The following ACCSL variants were observed in gnomAD, a reference collection of about 807,000 sequenced individuals.
The protein encoded by ACCSL is probable inactive 1-aminocyclopropane-1-carboxylate synthase-like protein 2.
ACCSL carries 55 observed loss-of-function variants against 61.7 expected under a neutral mutation model. That is an observed-to-expected ratio of 0.89 (90% CI 0.72 to 1.12). ACCSL has a LOEUF of 1.12. Among genes scored for constraint, ACCSL ranks in the 50% most tolerant of loss-of-function variants. The pLI, the probability that ACCSL is intolerant of heterozygous loss-of-function variation, is 0.00. For synonymous variants in ACCSL, 258 were observed against 264.3 expected, an observed-to-expected ratio of 0.98 and a Z score of 0.23; for missense variants, 632 against 698.0, an observed-to-expected ratio of 0.91 and a Z score of 1.07.
the ACCSL span, among the ~76,000 whole-genome samples, chr11:43,997,336 G>A: frequency 2.0e-5 from 3 of 152,112 alleles, no homozygotes; most frequent in African/African-American, 7.2e-5. Context: ...TGGGCTGTCG[G>A]TTCCAGAGAG....
chr11:44,049,419 CAA>C (rs33944147), intron 1 of ACCSL, among the ~76,000 whole-genome samples: 37 of 33,948 alleles, frequency 1.1e-3, no homozygotes, highest in African/African-American at 3.4e-3. Flanking sequence ...GACCCTGTCT[CAA>C]AAAAAAAAAA....
At chr11:43,931,686 G>A in the ACCSL span, among the ~76,000 whole-genome samples, 1 of 152,214 alleles carries the variant, frequency 6.6e-6, no homozygotes, top group South Asian at 2.1e-4. Flanking sequence ...TAGGCACAAA[G>A]TGCTTTTTGT....
the ACCSL span, among the ~76,000 whole-genome samples, chr11:44,037,639 T>C: frequency 6.6e-6 from 1 of 152,220 alleles, no homozygotes; most frequent in Non-Finnish European, 1.5e-5. Context: ...AGGTGAAGTT[T>C]TTCCACTGGG....
intron 5 of ACCSL, among the ~76,000 whole-genome samples, 172 bp from the exon 6 acceptor site, chr11:44,052,490 A>G (rs959027114): frequency 2.6e-5 from 4 of 152,254 alleles, no homozygotes; most frequent in African/African-American, 7.2e-5. Context: ...AGTGATGTCT[A>G]TAATAATGGA....
the ACCSL span, among the ~76,000 whole-genome samples, chr11:43,953,915 C>T: frequency 3.9e-5 from 6 of 152,282 alleles, no homozygotes; most frequent in African/African-American, 1.4e-4. Context: ...ACTATGGACT[C>T]GCCCCAAATT....
chr11:43,942,655 CGG>C, the ACCSL span: 1 of 246,634 alleles, frequency 4.1e-6, no homozygotes. Context: ...ACAGCAGCGG[CGG>C]CGAGCGCCTC....
chr11:43,972,470 G>T, the ACCSL span, among the ~76,000 whole-genome samples: 1,229 of 152,310 alleles, frequency 8.1e-3, 13 homozygotes, highest in African/African-American at 0.028. Context: ...TGTGATTGAG[G>T]TGTTGTTGGT....
chr11:43,944,105 G>T, the ACCSL span: 35 of 340,204 alleles, frequency 1.0e-4, no homozygotes, highest in Admixed American at 2.2e-4. Flanking sequence ...CTGCGTCCCT[G>T]GTCTATTCCC....
the ACCSL span, among the ~76,000 whole-genome samples, chr11:44,029,444 C>T: frequency 4.6e-5 from 7 of 152,318 alleles, no homozygotes; most frequent in South Asian, 6.2e-4. Context: ...CTCTGTATAC[C>T]GTTGGATACC....
chr11:44,059,269 GA>G (rs1952692066), intron 13 of ACCSL, among the ~76,000 whole-genome samples: 1 of 152,002 alleles, frequency 6.6e-6, no homozygotes, highest in Non-Finnish European at 1.5e-5. Flanking sequence ...AACAAAACCC[GA>G]AAAAAGTAGT....
At chr11:44,023,044 T>C in the ACCSL span, among the ~76,000 whole-genome samples, 7 of 117,062 alleles carry the variant, frequency 6.0e-5, no homozygotes, top group South Asian at 5.5e-4. Flanking sequence ...TCTTCTTCTT[T>C]TTTTTTTTTT....
chr11:43,970,698 C>T, the ACCSL span, among the ~76,000 whole-genome samples: 1 of 152,120 alleles, frequency 6.6e-6, no homozygotes, highest in South Asian at 2.1e-4. Flanking sequence ...TTCCTCCTCC[C>T]CATTTATTTA....
At chr11:43,944,238 C>G in the ACCSL span, 1 of 172,820 alleles carries the variant, frequency 5.8e-6, no homozygotes, top group Non-Finnish European at 1.3e-5. Context: ...CGCCCCGCAC[C>G]CGCCACAGAA....
chr11:43,993,946 A>G, the ACCSL span, among the ~76,000 whole-genome samples: 42,735 of 152,076 alleles, frequency 0.28, 6,575 homozygotes, highest in South Asian at 0.36. Context: ...CTGTGCCCAG[A>G]TGCATATCCC....
At chr11:44,034,520 T>C in the ACCSL span, among the ~76,000 whole-genome samples, 2 of 150,604 alleles carry the variant, frequency 1.3e-5, no homozygotes, top group Non-Finnish European at 2.9e-5. Context: ...CTCACAATCA[T>C]GGTGGAAGGC....
the ACCSL span, among the ~76,000 whole-genome samples, chr11:43,922,986 C>T: frequency 6.6e-6 from 1 of 152,250 alleles, no homozygotes; most frequent in Non-Finnish European, 1.5e-5. Flanking sequence ...CATTAACCCA[C>T]TAGCTCGGGT....
the ACCSL span, among the ~76,000 whole-genome samples, chr11:44,039,655 A>G: frequency 6.6e-6 from 1 of 152,256 alleles, no homozygotes; most frequent in Admixed American, 6.5e-5. Flanking sequence ...ACCTATGGAA[A>G]TAAAAAATAA....
chr11:44,039,883 G>C, the ACCSL span, among the ~76,000 whole-genome samples: 1 of 152,244 alleles, frequency 6.6e-6, no homozygotes, highest in Non-Finnish European at 1.5e-5. Flanking sequence ...AGCCTGGCAA[G>C]CCCACAGCAC....
the ACCSL span, among the ~76,000 whole-genome samples, chr11:43,954,784 C>T: frequency 6.6e-6 from 1 of 152,062 alleles, no homozygotes; most frequent in African/African-American, 2.4e-5. Flanking sequence ...GGGGTTTCTC[C>T]ACGTTGGTCA....
Sources: allele counts gnomAD v4.1 joint callset (sites outside exome capture counted in the v4.1 genomes callset), GRCh38; gene constraint gnomAD v4.1.1; transcripts MANE v1.5; gene names NCBI Gene and HGNC (gene_info 2026-07-23, HGNC 2026-07-21).